Variants in DHDDS observed in about 807,000 individuals in gnomAD.
DHDDS encodes dehydrodolichyl diphosphate synthase complex subunit DHDDS.
DHDDS carries 16 observed loss-of-function variants against 46.2 expected under a neutral mutation model. The observed-to-expected ratio is 0.35, with a 90% CI of 0.23 to 0.53. The LOEUF (loss-of-function observed/expected upper bound fraction) is 0.53. Among genes scored for constraint, DHDDS ranks in the 20% least tolerant of loss-of-function variants. DHDDS has a pLI of 0.94. For synonymous variants in DHDDS, 151 were observed against 163.1 expected (o/e 0.93, Z 0.56); for missense variants, 340 against 423.7 (o/e 0.80, Z 1.73).
intron 3 of DHDDS, among the ~76,000 whole-genome samples, chr1:26,440,736 T>C (rs560065587): frequency 2.6e-5 from 4 of 152,258 alleles, no homozygotes; most frequent in East Asian, 3.9e-4. Context: ...TAGATTTGTT[T>C]GCTTGTATGT....
chr1:26,444,516 A>G (rs2075250248), intron 4 of DHDDS, among the ~76,000 whole-genome samples: 1 of 152,186 alleles, frequency 6.6e-6, no homozygotes. Flanking sequence ...AGGAGGGTAC[A>G]TTGCTTGAGT....
At chr1:26,466,483 C>G (rs139677568) in intron 8 of DHDDS, among the ~76,000 whole-genome samples, 1 of 152,276 alleles carries the variant, frequency 6.6e-6, no homozygotes, top group African/African-American at 2.4e-5. Flanking sequence ...GTGGAGAAGC[C>G]AAGGGAACTT....
intron 2 of DHDDS, among the ~76,000 whole-genome samples, chr1:26,437,125 G>A (rs1201353287): frequency 6.6e-6 from 1 of 151,890 alleles, no homozygotes; most frequent in Non-Finnish European, 1.5e-5. Context: ...AGCCGAGATC[G>A]TGCCACTGCA....
At chr1:26,444,038 G>T (rs1013440242) in intron 4 of DHDDS, among the ~76,000 whole-genome samples, 1 of 152,208 alleles carries the variant, frequency 6.6e-6, no homozygotes, top group African/African-American at 2.4e-5. Context: ...TGCACACCTG[G>T]ATCTTTTTGA....
intron 2 of DHDDS, among the ~76,000 whole-genome samples, chr1:26,434,829 T>C (rs2075137102): frequency 6.6e-6 from 1 of 150,880 alleles, no homozygotes; most frequent in Admixed American, 6.6e-5. Flanking sequence ...AATTTTTTTT[T>C]TTTTTTTTTT....
In DHDDS at chr1:26,447,622, G is replaced by A. The variant is rs1251271750; in HGVS notation, c.504G>A (p.Glu168=). 8 of 1,614,214 alleles carry A rather than the reference G, an allele frequency of 5.0e-6. No homozygotes were observed. The highest frequency in any genetic ancestry group is 8.5e-7 in the Non-Finnish European group (1 of 1,180,038). Residue 168 remains glutamate (E), a synonymous_variant, in exon 6 of 9, where the codon GAG becomes GAA. Transcript: ENST00000236342. ...ATGAGATCAGCAATGCTGTGAGAGA[G>A]ATGGCCTGGGGGGTGGAGCAAGGCC... ...SRHEISNAVR[E]MAWGVEQGLL... is the part of the protein sequence containing the mutation.
intron 6 of DHDDS, chr1:26,455,017 G>T: frequency 7.5e-7 from 1 of 1,331,670 alleles, no homozygotes; most frequent in Non-Finnish European, 1.1e-6. Context: ...GGAATGGTAC[G>T]CACTGTTTCT....
chr1:26,454,817 T>G, intron 6 of DHDDS: 1 of 1,580,654 alleles, frequency 6.3e-7, no homozygotes, highest in Non-Finnish European at 8.6e-7. Flanking sequence ...GCGGCACATC[T>G]TAGGTGCTTT....
In DHDDS at chr1:26,469,144, A is replaced by G. The variant is rs199561067; in HGVS notation, c.*13A>G. On this transcript the variant is annotated 3_prime_UTR_variant, in exon 9 of 9. Coordinates refer to ENST00000236342, the MANE Select transcript of DHDDS (RefSeq NM_205861.3). ...TGCATCAGCCTGAATGAGGCTGGCC[A>G]CCTGCCACTTTGCCCTGCCCTCTGC... is the stretch of plus-strand genomic sequence containing the variant. 2 of 1,597,684 alleles carry G rather than the reference A, an allele frequency of 1.3e-6. No individual in the cohort carries two copies. Among genetic ancestry groups the G allele is most frequent in the South Asian group, 1.1e-5 (1 of 90,212 alleles).
intron 3 of DHDDS, 152 bp from the exon 4 acceptor site, chr1:26,442,579 A>G (rs2075229018): frequency 1.1e-6 from 1 of 889,112 alleles, no homozygotes; most frequent in African/African-American, 1.6e-5. Flanking sequence ...TAATTCTGAC[A>G]TAAACACTGA....
rs758618507 is a variant in DHDDS, at chr1:26,469,108, C to G, written c.979C>G (p.Arg327Gly). ...LELKRADWLA[R>G]LGTASA ...ACTCAAGCGAGCTGACTGGCTGGCC[C>G]GTCTGGGCACTGCATCAGCCTGAAT... The change falls in exon 9 of 9, where the codon CGT becomes GGT. Residue 327 changes from arginine (R) to glycine (G), a missense_variant. Coordinates refer to ENST00000236342, the MANE Select transcript of DHDDS (RefSeq NM_205861.3). 20 of 1,612,288 alleles carry G rather than the reference C, an allele frequency of 1.2e-5. No homozygotes were observed. The highest frequency in any genetic ancestry group is 1.7e-5 in the Non-Finnish European group (20 of 1,180,054).
intron 8 of DHDDS, chr1:26,462,728 A>T (rs904314715): frequency 6.6e-6 from 1 of 152,154 alleles, no homozygotes; most frequent in Non-Finnish European, 1.5e-5. Context: ...GATACTTTGC[A>T]TATGGTTGTC....
At chr1:26,466,338 G>A (rs1252340529) in intron 8 of DHDDS, 1 of 152,138 alleles carries the variant, frequency 6.6e-6, no homozygotes, top group Non-Finnish European at 1.5e-5. Context: ...AGATTGAAAG[G>A]GTAGATTCAG....
At chr1:26,443,624 A>AGGT (rs1244747371) in intron 4 of DHDDS, among the ~76,000 whole-genome samples, 5 of 152,168 alleles carry the variant, frequency 3.3e-5, no homozygotes, top group Admixed American at 2.6e-4. Context: ...TACCTGTACC[A>AGGT]GGAAGATGAG....
chr1:26,457,808 TG>T lies in DHDDS; in HGVS notation c.561del (p.Asp189IlefsTer15), dbSNP rs1203905151. The T allele has an allele frequency of 6.2e-7, 1 of 1,613,644 alleles. No homozygotes were observed. The highest frequency in any genetic ancestry group is 1.1e-5 in the South Asian group (1 of 91,064). ...LLDPSDISES[L>X]LDKCLYTNRS... ...CATCTTAGTGATATCTCTGAGTCTC[TG>T]CTTGATAAGTGCCTCTATACCAACC... is the stretch of plus-strand genomic sequence containing the variant. On this transcript the variant is annotated frameshift_variant, in exon 7 of 9. Coordinates refer to ENST00000236342, the MANE Select transcript of DHDDS (RefSeq NM_205861.3). LOFTEE classifies it high-confidence loss of function.
chr1:26,450,876 T>C (rs1323460009), intron 6 of DHDDS, among the ~76,000 whole-genome samples: 1 of 152,188 alleles, frequency 6.6e-6, no homozygotes, highest in Admixed American at 6.5e-5. Context: ...ATGAATATGT[T>C]TCAAATATTC....
intron 6 of DHDDS, chr1:26,454,930 C>G: frequency 1.9e-6 from 3 of 1,602,296 alleles, no homozygotes; most frequent in African/African-American, 2.7e-5. Flanking sequence ...ATTCAGCACT[C>G]TTTTTGGGCC....
intron 6 of DHDDS, 52 bp downstream of exon 6, chr1:26,447,712 A>G (rs1303716001): frequency 6.6e-6 from 10 of 1,512,270 alleles, no homozygotes; most frequent in Non-Finnish European, 9.2e-6. Context: ...GGCCTGGGCC[A>G]GCATGGCAGC....
chr1:26,449,440 G>A (rs953470185), intron 6 of DHDDS, among the ~76,000 whole-genome samples: 4 of 151,620 alleles, frequency 2.6e-5, no homozygotes, highest in Admixed American at 6.6e-5. Context: ...TCACTCTATC[G>A]CCCAGGCTGG....
Sources: gnomAD v4.1 joint callset for allele counts (sites outside exome capture counted in the v4.1 genomes callset) on GRCh38, gnomAD v4.1.1 for gene constraint, MANE v1.5 for transcripts, NCBI Gene and HGNC (gene_info 2026-07-23, HGNC 2026-07-21) for gene names.